Variants in DMD observed in about 807,000 individuals in gnomAD.
The protein encoded by DMD is dystrophin, also known as mutant dystrophin.
DMD carries 63 observed loss-of-function variants against 330.1 expected under a neutral mutation model. That is an observed-to-expected ratio of 0.19 (90% CI 0.16 to 0.24). The LOEUF is 0.24. Ranked by LOEUF, DMD falls within the 10% of genes least tolerant of loss-of-function variation. The pLI is 1.00. For synonymous variants in DMD, 1,223 were observed against 959.8 expected, an observed-to-expected ratio of 1.27 and a Z score of -5.07; for missense variants, 3,344 against 2,684.1, an observed-to-expected ratio of 1.25 and a Z score of -5.43.
At chrX:31,379,790 T>C (rs928845127) in intron 60 of DMD, among the ~76,000 whole-genome samples, 4 of 112,079 alleles carry the variant, frequency 3.6e-5, no homozygotes, top group Non-Finnish European at 7.5e-5. Context: ...GTGCCAGAAA[T>C]CTGGCCACTG....
chrX:31,298,257 T>C (rs896720036), intron 62 of DMD, among the ~76,000 whole-genome samples: 3 of 112,059 alleles, frequency 2.7e-5, no homozygotes, highest in African/African-American at 9.7e-5. Context: ...TTGAATTTCA[T>C]AATTACCTAC....
intron 17 of DMD, among the ~76,000 whole-genome samples, chrX:32,543,603 G>C (rs182277580): frequency 8.9e-6 from 1 of 112,053 alleles, no homozygotes; most frequent in East Asian, 2.8e-4. Context: ...ACAAGTTAAT[G>C]TACATCTTAC....
intron 22 of DMD, 25 bp downstream of exon 22, chrX:32,472,139 T>C (rs1376881670): frequency 8.3e-7 from 1 of 1,207,769 alleles, no homozygotes; most frequent in Admixed American, 2.2e-5. Flanking sequence ...TGCTTTATTG[T>C]TTTGACATTC....
intron 55 of DMD, among the ~76,000 whole-genome samples, chrX:31,570,649 T>C (rs1029152985): frequency 4.6e-5 from 5 of 108,974 alleles, no homozygotes; most frequent in African/African-American, 1.7e-4. Context: ...CTGGTCTTTT[T>C]TCCCTTTTCG....
chrX:32,573,392 A>G (rs1007213611), intron 15 of DMD, 138 bp downstream of exon 15: 24 of 524,544 alleles, frequency 4.6e-5, no homozygotes, highest in Non-Finnish European at 6.9e-5. Flanking sequence ...GAAAAGTAGC[A>G]ATATAACATC....
chrX:32,625,143 C>A (rs1162559535), intron 11 of DMD, among the ~76,000 whole-genome samples: 1 of 111,457 alleles, frequency 9.0e-6, no homozygotes. Flanking sequence ...TAGACTCCAG[C>A]CTGAGTGACA....
At chrX:32,722,666 C>A (rs1164777145) in intron 7 of DMD, among the ~76,000 whole-genome samples, 1 of 110,827 alleles carries the variant, frequency 9.0e-6, no homozygotes, top group Non-Finnish European at 1.9e-5. Context: ...GTATTTTTCA[C>A]TTTCTTCTTT....
chrX:31,636,472 T>C (rs1225059552), intron 54 of DMD, among the ~76,000 whole-genome samples: 1 of 111,904 alleles, frequency 8.9e-6, no homozygotes, highest in African/African-American at 3.2e-5. Flanking sequence ...ATATTTTAAA[T>C]AGCTTGATGA....
At chrX:32,550,236 A>G (rs755576665) in intron 16 of DMD, among the ~76,000 whole-genome samples, 1 of 112,134 alleles carries the variant, frequency 8.9e-6, no homozygotes, top group South Asian at 3.6e-4. Context: ...AGTTGGGCAT[A>G]AAACAATCTT....
intron 7 of DMD, among the ~76,000 whole-genome samples, chrX:32,738,732 C>T (rs1289636051): frequency 9.0e-6 from 1 of 111,263 alleles, no homozygotes; most frequent in Non-Finnish European, 1.9e-5. Flanking sequence ...CATAATAACA[C>T]AAGGAAAGAG....
intron 2 of DMD, among the ~76,000 whole-genome samples, chrX:32,928,521 TAAG>T (rs1172046654): frequency 1.8e-5 from 2 of 111,545 alleles, no homozygotes; most frequent in East Asian, 5.6e-4. Flanking sequence ...ACCTAGCAAG[TAAG>T]AAGATGAAGT....
At chrX:32,529,042 C>T (rs1423306827) in intron 17 of DMD, among the ~76,000 whole-genome samples, 2 of 107,482 alleles carry the variant, frequency 1.9e-5, no homozygotes, top group Non-Finnish European at 3.8e-5. Flanking sequence ...CTGCCTCAGC[C>T]TCCCGAGTAG....
chrX:32,827,371 T>A (rs2078800663), intron 4 of DMD, among the ~76,000 whole-genome samples: 1 of 110,879 alleles, frequency 9.0e-6, no homozygotes, highest in Non-Finnish European at 1.9e-5. Flanking sequence ...ATTAACTGAT[T>A]GGGAATTGGA....
intron 45 of DMD, among the ~76,000 whole-genome samples, chrX:31,958,055 T>C (rs1000352744): frequency 9.1e-6 from 1 of 109,504 alleles, no homozygotes; most frequent in Non-Finnish European, 1.9e-5. Context: ...TTCAAGTTTC[T>C]TCAGCAACAA....
intron 44 of DMD, among the ~76,000 whole-genome samples, chrX:32,174,158 T>G (rs12833101): frequency 0.044 from 4,890 of 111,853 alleles, 108 homozygotes; most frequent in Non-Finnish European, 0.07. Context: ...AAAGTAGACA[T>G]GGCAAACTTA....
At chrX:32,114,882 C>T (rs1487902709) in intron 44 of DMD, among the ~76,000 whole-genome samples, 2 of 112,372 alleles carry the variant, frequency 1.8e-5, no homozygotes, top group Non-Finnish European at 3.8e-5. Context: ...TACATTTTAA[C>T]CTACCACAAA....
At chrX:32,025,672 C>T (rs1213480063) in intron 44 of DMD, among the ~76,000 whole-genome samples, 1 of 112,138 alleles carries the variant, frequency 8.9e-6, no homozygotes, top group East Asian at 2.8e-4. Context: ...AAATGTAATT[C>T]TCTGGAGGAA....
chrX:31,172,966 G>GT (rs2040147299), intron 72 of DMD, among the ~76,000 whole-genome samples: 2 of 111,013 alleles, frequency 1.8e-5, no homozygotes, highest in East Asian at 2.8e-4. Flanking sequence ...TTGTTTGTTT[G>GT]TTTTTTTACA....
intron 74 of DMD, among the ~76,000 whole-genome samples, chrX:31,167,729 A>C (rs902505801): frequency 2.4e-4 from 27 of 112,296 alleles, no homozygotes; most frequent in Non-Finnish European, 4.3e-4. Flanking sequence ...TAAAACAACA[A>C]AAAAAGTTCA....
Sources: gnomAD v4.1 joint callset for allele counts (sites outside exome capture counted in the v4.1 genomes callset) on GRCh38, gnomAD v4.1.1 for gene constraint, MANE v1.5 for transcripts, NCBI Gene and HGNC (gene_info 2026-07-23, HGNC 2026-07-21) for gene names.